MARCHF8: variants seen among roughly 807,000 people sequenced by gnomAD.
MARCHF8 encodes the protein membrane associated ring-CH-type finger 8.
MARCHF8 carries 40 observed loss-of-function variants against 51.6 expected under a neutral mutation model. The ratio of observed to expected loss-of-function variants is 0.77; its 90% CI spans 0.60 to 1.01. The LOEUF (loss-of-function observed/expected upper bound fraction) is 1.01. Ranked by LOEUF, MARCHF8 falls within the 50% of genes least tolerant of loss-of-function variation. The pLI is 0.00. For synonymous variants in MARCHF8, 263 were observed against 280.3 expected (o/e 0.94, Z 0.62); for missense variants, 685 against 708.6 (o/e 0.97, Z 0.38).
chr10:45,480,671 A>C (rs1284769768), intron 3 of MARCHF8, among the ~76,000 whole-genome samples: 3 of 152,206 alleles, frequency 2.0e-5, no homozygotes, highest in Non-Finnish European at 2.9e-5. Flanking sequence ...GCGGGTACAC[A>C]AATGTCAAGA....
At chr10:45,473,179 G>A (rs1394601705) in intron 3 of MARCHF8, among the ~76,000 whole-genome samples, 1 of 152,166 alleles carries the variant, frequency 6.6e-6, no homozygotes, top group Non-Finnish European at 1.5e-5. Flanking sequence ...CTGTCTAATG[G>A]CAACAATAAC....
intron 1 of MARCHF8, among the ~76,000 whole-genome samples, chr10:45,546,197 G>A (rs1476039362): frequency 6.6e-6 from 1 of 151,636 alleles, no homozygotes; most frequent in Non-Finnish European, 1.5e-5. Flanking sequence ...GTCTCGCTCT[G>A]TTGCCCAGGC....
chr10:45,527,707 A>T (rs2043815158), intron 2 of MARCHF8, among the ~76,000 whole-genome samples: 1 of 152,196 alleles, frequency 6.6e-6, no homozygotes, highest in African/African-American at 2.4e-5. Flanking sequence ...TACCAATCCT[A>T]TTGACAACAC....
upstream of MARCHF8, among the ~76,000 whole-genome samples, chr10:45,535,927 T>C (rs1237538719): frequency 6.6e-6 from 1 of 152,144 alleles, no homozygotes; most frequent in Non-Finnish European, 1.5e-5. Context: ...AAATTGGAAA[T>C]GGATGTCCAT....
chr10:45,525,095 A>G (rs2043769350), intron 2 of MARCHF8, among the ~76,000 whole-genome samples: 1 of 152,224 alleles, frequency 6.6e-6, no homozygotes, highest in African/African-American at 2.4e-5. Context: ...CTGTCTAAAG[A>G]TATTGTTATC....
Position 45,461,289 on chromosome 10 carries a change from C to G in MARCHF8, c.1211G>C (p.Cys404Ser), listed in dbSNP as rs568553191. ...GAACTCATACTTGCAGAGCTCGCAGCAGCGCGTGTCGGAGCTCTTGATCCA... is the reference window on the plus strand; with the variant it reads ...GAACTCATACTTGCAGAGCTCGCAGGAGCGCGTGTCGGAGCTCTTGATCCA... ...QQWIKSSDTR[C>S]CELCKYEFIM... is the part of the protein sequence containing the mutation. The change falls in exon 6 of 8, where the codon TGC (cysteine) becomes TCC (serine). Residue 404 changes from cysteine to serine, a missense_variant. Cys to Ser is a moderately radical substitution (Grantham distance 112, BLOSUM62 -1). Coordinates refer to ENST00000453424, the MANE Select transcript of MARCHF8 (RefSeq NM_001282866.2). The G allele has an allele frequency of 1.2e-6, 2 of 1,601,360 alleles. No individual in the cohort carries two copies. The highest frequency in any genetic ancestry group is 1.1e-5 in the South Asian group (1 of 89,400).
intron 2 of MARCHF8, among the ~76,000 whole-genome samples, chr10:45,499,000 T>C (rs552250277): frequency 6.6e-6 from 1 of 152,206 alleles, no homozygotes; most frequent in Admixed American, 6.5e-5. Context: ...CAGTAATAAT[T>C]ATCTTTTACT....
At chr10:45,520,013 G>T (rs1213557531) in intron 2 of MARCHF8, among the ~76,000 whole-genome samples, 1 of 152,140 alleles carries the variant, frequency 6.6e-6, no homozygotes, top group African/African-American at 2.4e-5. Context: ...CACTGCCCAG[G>T]TGATGAGAAC....
chr10:45,460,580 G>T (rs1343709455), intron 6 of MARCHF8, among the ~76,000 whole-genome samples: 1 of 152,196 alleles, frequency 6.6e-6, no homozygotes, highest in Non-Finnish European at 1.5e-5. Flanking sequence ...AAAACCTTTT[G>T]TGCTGGGCAT....
chr10:45,552,587 C>T (rs2044208020), intron 1 of MARCHF8, among the ~76,000 whole-genome samples: 1 of 152,108 alleles, frequency 6.6e-6, no homozygotes. Flanking sequence ...TTCATTTAAC[C>T]TAAGCAAACA....
upstream of MARCHF8, among the ~76,000 whole-genome samples, chr10:45,539,637 T>C (rs1054667968): frequency 3.9e-5 from 6 of 152,116 alleles, no homozygotes; most frequent in African/African-American, 1.4e-4. Flanking sequence ...ACAAAGGGGA[T>C]ATCACCACTG....
rs547053593 is a variant in MARCHF8, at chr10:45,492,448, C to T, written c.103-3031G>A. On this transcript the variant is annotated intron_variant, in intron 2 of 7. Transcript: ENST00000453424. The stretch of plus-strand genomic sequence containing the variant: ...AAGTAGCTGGGACTACAGGCGCCCA[C>T]CACCATGTCCGGCTCAGTTTTTGTA... Among the ~76,000 whole-genome samples the T allele has an allele frequency of 2.0e-5, 3 of 152,204 alleles. No homozygotes were observed. The South Asian group carries it at 6.2e-4, about 31-fold the overall frequency.
At chr10:45,538,558 T>C (rs1589161473), upstream of MARCHF8, among the ~76,000 whole-genome samples, 1 of 152,292 alleles carries the variant, frequency 6.6e-6, no homozygotes, top group Non-Finnish European at 1.5e-5. Context: ...TACTGTGCTG[T>C]ATTCAGGAAA....
intron 1 of MARCHF8, among the ~76,000 whole-genome samples, chr10:45,584,867 A>C (rs984001845): frequency 6.6e-6 from 1 of 152,228 alleles, no homozygotes; most frequent in Non-Finnish European, 1.5e-5. Flanking sequence ...CAAGGCAAGA[A>C]ATGTATGGCC....
At chr10:45,567,140 A>G (rs1022626202) in intron 1 of MARCHF8, among the ~76,000 whole-genome samples, 1 of 152,118 alleles carries the variant, frequency 6.6e-6, no homozygotes, top group African/African-American at 2.4e-5. Flanking sequence ...ATTTTTTCCT[A>G]TAGAGTTAGT....
chr10:45,576,740 A>T (rs2044493492), intron 1 of MARCHF8, among the ~76,000 whole-genome samples: 1 of 151,270 alleles, frequency 6.6e-6, no homozygotes, highest in Admixed American at 6.6e-5. Flanking sequence ...TGGACAACAC[A>T]GTGAGGCTTC....
intron 3 of MARCHF8, among the ~76,000 whole-genome samples, chr10:45,487,034 C>A (rs78863589): frequency 0.06 from 9,082 of 151,922 alleles, 689 homozygotes; most frequent in East Asian, 0.44. Flanking sequence ...TGGTCTCAAA[C>A]TCCTGACCTC....
chr10:45,586,671 G>A (rs550545300), intron 1 of MARCHF8, among the ~76,000 whole-genome samples: 13 of 152,108 alleles, frequency 8.5e-5, no homozygotes, highest in Non-Finnish European at 5.9e-5. Flanking sequence ...GACCCTTCTT[G>A]TAGGCAAAAA....
intron 1 of MARCHF8, among the ~76,000 whole-genome samples, chr10:45,574,097 T>TA (rs34169299): frequency 0.99 from 149,892 of 152,122 alleles, 73,880 homozygotes; most frequent in East Asian, 1. Context: ...CCTTAAACCG[T>TA]AGTATAGTAT....
Sources: gnomAD v4.1 joint callset for allele counts (sites outside exome capture counted in the v4.1 genomes callset) on GRCh38, gnomAD v4.1.1 for gene constraint, MANE v1.5 for transcripts, NCBI Gene and HGNC (gene_info 2026-07-23, HGNC 2026-07-21) for gene names.